The following ANKH variants were observed in gnomAD, a reference collection of about 807,000 sequenced individuals.
The protein encoded by ANKH is ANKH inorganic pyrophosphate transport regulator, also known as mineralization regulator ANKH.
In ANKH, 15 loss-of-function variants were observed where a neutral mutation model predicts 49.0. That is an observed-to-expected ratio of 0.31 (90% confidence interval 0.20 to 0.47). The LOEUF (loss-of-function observed/expected upper bound fraction) is 0.47. Ranked by LOEUF, ANKH falls within the 20% of genes least tolerant of loss-of-function variation. ANKH has a pLI of 1.00. For missense variants in ANKH, 429 were observed against 652.0 expected, an observed-to-expected ratio of 0.66 and a Z score of 3.72; for synonymous variants, 273 against 260.0, an observed-to-expected ratio of 1.05 and a Z score of -0.48.
intron 1 of ANKH, chr5:14,869,625 T>C (rs758781198): frequency 1.3e-5 from 2 of 152,268 alleles, no homozygotes; most frequent in Non-Finnish European, 2.9e-5. Context: ...TTGTCTCTTA[T>C]GTTTAACCTC....
At chr5:14,836,607 C>G (rs1054329359) in intron 1 of ANKH, among the ~76,000 whole-genome samples, 1 of 152,040 alleles carries the variant, frequency 6.6e-6, no homozygotes, top group Non-Finnish European at 1.5e-5. Flanking sequence ...CACTGCTCAA[C>G]AAAATAAAAG....
At chr5:14,744,089 T>C (rs1738451971) in intron 7 of ANKH, among the ~76,000 whole-genome samples, 1 of 152,228 alleles carries the variant, frequency 6.6e-6, no homozygotes, top group Admixed American at 6.5e-5. Flanking sequence ...GATTTACTTC[T>C]ATACACACGT....
At chr5:14,857,870 A>G (rs1735326527) in intron 1 of ANKH, among the ~76,000 whole-genome samples, 1 of 152,164 alleles carries the variant, frequency 6.6e-6, no homozygotes, top group African/African-American at 2.4e-5. Flanking sequence ...CAGCATCTCT[A>G]AGGAAAGCTG....
chr5:14,742,778 G>A (rs2126469131), intron 7 of ANKH, among the ~76,000 whole-genome samples: 1 of 152,334 alleles, frequency 6.6e-6, no homozygotes, highest in Admixed American at 6.5e-5. Context: ...TGCATTTCAA[G>A]CAGGACTGCA....
chr5:14,795,501 CCTT>C (rs1270828149), intron 1 of ANKH, among the ~76,000 whole-genome samples: 1 of 152,184 alleles, frequency 6.6e-6, no homozygotes, highest in Non-Finnish European at 1.5e-5. Flanking sequence ...ATTCTGGACT[CCTT>C]CAGCAAACCT....
intron 2 of ANKH, among the ~76,000 whole-genome samples, chr5:14,764,522 G>C (rs1361050270): frequency 6.6e-6 from 1 of 152,128 alleles, no homozygotes; most frequent in Non-Finnish European, 1.5e-5. Context: ...TGACCATAGA[G>C]GCCTGAGCCT....
intron 3 of ANKH, among the ~76,000 whole-genome samples, chr5:14,757,063 G>A (rs982060169): frequency 1.3e-5 from 2 of 152,124 alleles, no homozygotes; most frequent in African/African-American, 2.4e-5. Flanking sequence ...GGAATTCACC[G>A]TATAACTGTA....
chr5:14,799,593 T>C (rs1221579974), intron 1 of ANKH, among the ~76,000 whole-genome samples: 1 of 152,192 alleles, frequency 6.6e-6, no homozygotes, highest in East Asian at 1.9e-4. Context: ...CCTTAAGAAT[T>C]ATGCTGAGTT....
In ANKH at chr5:14,845,410, T is replaced by C. The variant is rs1461419709; in HGVS notation, c.96+25942A>G. Among the ~76,000 whole-genome samples, 9 of 151,836 alleles carry C rather than the reference T, an allele frequency of 5.9e-5. No individual in the cohort carries two copies. In the East Asian group the frequency reaches 1.5e-3, roughly 26 times the overall value. Reference sequence around the variant, plus strand: ...TGGTTTTATTAAGAAAAAAAGACAGTATAAAATAAATTAAAGAAAATGGTA... The same window carrying C: ...TGGTTTTATTAAGAAAAAAAGACAGCATAAAATAAATTAAAGAAAATGGTA... On this transcript the variant is annotated intron_variant, in intron 1 of 11. Transcript: ENST00000284268.
chr5:14,774,048 A>C (rs1739534260), intron 1 of ANKH, among the ~76,000 whole-genome samples: 1 of 152,228 alleles, frequency 6.6e-6, no homozygotes, highest in African/African-American at 2.4e-5. Flanking sequence ...CAAAAGTATG[A>C]AAAAAGCTGC....
chr5:14,802,393 G>A (rs62355972), intron 1 of ANKH, among the ~76,000 whole-genome samples: 15,662 of 151,746 alleles, frequency 0.1, 885 homozygotes, highest in Admixed American at 0.12. Context: ...CAGACCCACC[G>A]CCTAGTGCAG....
At chr5:14,835,874 T>C (rs1269115970) in intron 1 of ANKH, among the ~76,000 whole-genome samples, 1 of 152,180 alleles carries the variant, frequency 6.6e-6, no homozygotes, top group Non-Finnish European at 1.5e-5. Flanking sequence ...CTCAATAAAA[T>C]ACTGGCAAAT....
rs2126391888 is a variant in ANKH at position 14,711,009 on chromosome 5, A to G, written c.*188T>C. 1.6e-6 allele frequency: 1 copy of G among 633,588 alleles called. No homozygotes were observed. The highest frequency in any genetic ancestry group is 2.8e-5 in the East Asian group (1 of 35,558). 39.2% of individuals were successfully genotyped at this position (633,588 alleles called of 1,614,324 possible). ...ATAGCAACAGTAAAGACCATTCACTAGGTCCCCCCGTCAGTGTGAGCATAC... is the reference window on the plus strand; with the variant it reads ...ATAGCAACAGTAAAGACCATTCACTGGGTCCCCCCGTCAGTGTGAGCATAC... On this transcript the variant is annotated 3_prime_UTR_variant, in exon 12 of 12. Transcript: ENST00000284268.
chr5:14,830,078 TGGAAA>T (rs2126597017), intron 1 of ANKH, among the ~76,000 whole-genome samples: 1 of 152,314 alleles, frequency 6.6e-6, no homozygotes, highest in Admixed American at 6.5e-5. Flanking sequence ...TGTTTTACCT[TGGAAA>T]GCACCTCACT....
At chr5:14,802,010 C>T (rs1485776688) in intron 1 of ANKH, among the ~76,000 whole-genome samples, 1 of 152,176 alleles carries the variant, frequency 6.6e-6, no homozygotes, top group Non-Finnish European at 1.5e-5. Flanking sequence ...GCTGTTTCCT[C>T]TGGAGATCTC....
At chr5:14,765,973 GA>G (rs1193568207) in intron 2 of ANKH, among the ~76,000 whole-genome samples, 8 of 152,256 alleles carry the variant, frequency 5.3e-5, no homozygotes, top group African/African-American at 1.7e-4. Flanking sequence ...CAGACTGGGG[GA>G]AAAAAGTCTA....
intron 1 of ANKH, among the ~76,000 whole-genome samples, chr5:14,793,023 T>TATATATAAAAATATATATATATAA (rs1740233266): frequency 3.0e-5 from 2 of 66,584 alleles, no homozygotes; most frequent in Non-Finnish European, 5.7e-5. Context: ...TATATATAAA[T>TATATATAAAAATATATATATATAA]ATATATATAT....
chr5:14,803,023 T>C (rs1291866574), intron 1 of ANKH, among the ~76,000 whole-genome samples: 1 of 152,232 alleles, frequency 6.6e-6, no homozygotes, highest in Non-Finnish European at 1.5e-5. Flanking sequence ...ATCCTCTAGC[T>C]TGGCATCTTC....
intron 8 of ANKH, among the ~76,000 whole-genome samples, chr5:14,736,729 A>ATGTG (rs1738195192): frequency 1.3e-5 from 2 of 152,086 alleles, no homozygotes; most frequent in South Asian, 4.2e-4. Flanking sequence ...CTTTCTCTGA[A>ATGTG]TGTGGCATCC....
Sources: allele counts gnomAD v4.1 joint callset (sites outside exome capture counted in the v4.1 genomes callset), GRCh38; gene constraint gnomAD v4.1.1; transcripts MANE v1.5; gene names NCBI Gene and HGNC (gene_info 2026-07-23, HGNC 2026-07-21).